CAVIN1: variants seen among roughly 807,000 people sequenced by gnomAD.
CAVIN1 encodes caveolae-associated protein 1.
In CAVIN1, 16 loss-of-function variants were observed where a neutral mutation model predicts 24.0. The observed-to-expected ratio is 0.67, with a 90% CI of 0.45 to 1.01. The LOEUF is 1.01. Ranked by LOEUF, CAVIN1 falls within the 50% of genes least tolerant of loss-of-function variation. CAVIN1 has a pLI of 0.00. For missense variants in CAVIN1, 510 were observed against 551.7 expected (o/e 0.92, Z 0.76); for synonymous variants, 256 against 256.4 (o/e 1.00, Z 0.02).
intron 1 of CAVIN1, chr17:42,412,358 G>C: frequency 1.3e-5 from 10 of 785,682 alleles, no homozygotes; most frequent in Non-Finnish European, 1.5e-5. Flanking sequence ...GTAGGGAGGG[G>C]AGCACAATGT....
intron 1 of CAVIN1, among the ~76,000 whole-genome samples, chr17:42,413,569 A>G (rs1265825967): frequency 8.1e-5 from 2 of 24,786 alleles, no homozygotes; most frequent in African/African-American, 3.2e-4. Flanking sequence ...AAAAAGGGAA[A>G]AAAAAAAAAA....
In CAVIN1 at chr17:42,405,138, A is replaced by G. The variant is rs921308426; in HGVS notation, c.722T>C (p.Met241Thr). Residue 241 changes from methionine (M) to threonine (T), a missense_variant, in exon 2 of 2, where the codon ATG (methionine) becomes ACG (threonine). Coordinates refer to ENST00000357037, the MANE Select transcript of CAVIN1 (RefSeq NM_012232.6). ...GCGGGTACGCACCTTGGTCTTCTCC[A>G]TCTTCTCCTTGGAGAAGGCCTTCTT... ...DFKKAFSKEK[M>T]EKTKVRTREN... is the part of the protein sequence containing the mutation. 4 of 1,612,220 alleles carry G rather than the reference A, an allele frequency of 2.5e-6. No individual in the cohort carries two copies. The African/African-American group carries it at 4.0e-5, about 16-fold the overall frequency.
intron 1 of CAVIN1, among the ~76,000 whole-genome samples, chr17:42,417,080 G>C (rs1466437119): frequency 6.6e-6 from 1 of 152,114 alleles, no homozygotes; most frequent in Non-Finnish European, 1.5e-5. Context: ...CCTCAAAACT[G>C]CTCCAGAACA....
Position 42,404,680 on chromosome 17 carries a change from G to C in CAVIN1, c.*7C>G. The C allele has an allele frequency of 2.1e-6, 3 of 1,439,554 alleles. No homozygotes were observed. Among genetic ancestry groups the C allele is most frequent in the Non-Finnish European group, 2.7e-6 (3 of 1,098,630 alleles). 89.2% of individuals were successfully genotyped at this position (1,439,554 alleles called of 1,614,324 possible). On this transcript the variant is annotated 3_prime_UTR_variant, in exon 2 of 2. Coordinates refer to ENST00000357037, the MANE Select transcript of CAVIN1 (RefSeq NM_012232.6). ...CGAGGAATGGGGTGGGTGGCAGCGG[G>C]GGCGGCTCAGTCGCTGTCGCTCTTG...
At chr17:42,411,396 A>AT (rs999475012) in intron 1 of CAVIN1, 10 of 982,638 alleles carry the variant, frequency 1.0e-5, no homozygotes, top group African/African-American at 3.5e-5. Context: ...TCTAAAAAAA[A>AT]TTTTTTTAAC....
intron 1 of CAVIN1, 100 bp downstream of exon 1, chr17:42,422,526 AG>A: frequency 3.5e-6 from 2 of 568,304 alleles, no homozygotes; most frequent in Non-Finnish European, 5.0e-6. Context: ...CCAGGCTGGG[AG>A]GGGAGCAGCG....
chr17:42,410,276 G>A (rs1388729744), intron 1 of CAVIN1, among the ~76,000 whole-genome samples: 1 of 152,140 alleles, frequency 6.6e-6, no homozygotes, highest in East Asian at 1.9e-4. Context: ...AGGTAATTCA[G>A]AGACCCAGGA....
Position 42,406,375 on chromosome 17 carries a change from C to CATTTTTT in CAVIN1, c.472-988_472-987insAAAAAAT, listed in dbSNP as rs59023533. 1.4e-5 allele frequency among the ~76,000 whole-genome samples: 2 copies of CATTTTTT among 140,952 alleles called. 1 individual carries two copies. The highest frequency in any genetic ancestry group is 3.1e-5 in the Non-Finnish European group (2 of 64,878). The allele number at this position is 140,952 out of a possible 152,430, so 92.5% of individuals were successfully genotyped here. A position where few individuals can be genotyped will look rare whatever the true frequency, so the allele number is the denominator to read the frequency against. On this transcript the variant is annotated intron_variant, in intron 1 of 1. Coordinates refer to ENST00000357037, the MANE Select transcript of CAVIN1 (RefSeq NM_012232.6). The stretch of plus-strand genomic sequence containing the variant: ...TGCATTTCCTAGACTCAAGCTATTT[C>CATTTTTT]TTTTTTTTTTTTTTTTTGAGATGGA...
At chr17:42,406,383 T>G (rs533082989) in intron 1 of CAVIN1, among the ~76,000 whole-genome samples, 1 of 151,892 alleles carries the variant, frequency 6.6e-6, no homozygotes, top group Non-Finnish European at 1.5e-5. Flanking sequence ...TTCTTTTTTT[T>G]TTTTTTTTTG....
intron 1 of CAVIN1, among the ~76,000 whole-genome samples, chr17:42,410,330 A>T (rs907168864): frequency 6.6e-6 from 1 of 152,046 alleles, no homozygotes; most frequent in African/African-American, 2.4e-5. Context: ...AGGAGGGGAG[A>T]GGTGAAGGGG....
At chr17:42,410,892 C>CAAAA (rs774857493) in intron 1 of CAVIN1, among the ~76,000 whole-genome samples, 2 of 76,374 alleles carry the variant, frequency 2.6e-5, no homozygotes, top group African/African-American at 1.1e-4. Flanking sequence ...GACTCTGTCT[C>CAAAA]AAAAAAAAAA....
At chr17:42,411,771 C>T (rs1248902240) in intron 1 of CAVIN1, 2 of 985,304 alleles carry the variant, frequency 2.0e-6, no homozygotes. Flanking sequence ...GCTAGGCAGC[C>T]TTCGGGTGCA....
chr17:42,408,790 CTTTTTT>C (rs67299164), intron 1 of CAVIN1, among the ~76,000 whole-genome samples: 1 of 120,848 alleles, frequency 8.3e-6, no homozygotes. Context: ...CGTGCCCGGC[CTTTTTT>C]TTTTTTTTTT....
At chr17:42,406,565 CG>C (rs1282857006) in intron 1 of CAVIN1, among the ~76,000 whole-genome samples, 6 of 151,964 alleles carry the variant, frequency 3.9e-5, no homozygotes, top group Non-Finnish European at 8.8e-5. Context: ...TTAGTAGACT[CG>C]GGGTTTCACC....
At chr17:42,422,572 A>AG in intron 1 of CAVIN1, 55 bp downstream of exon 1, 1 of 1,392,392 alleles carries the variant, frequency 7.2e-7, no homozygotes, top group Non-Finnish European at 9.8e-7. Context: ...ACTCCCAGGC[A>AG]GGGGACGCGG....
chr17:42,405,454 G>C (rs1477748797), intron 1 of CAVIN1, 66 bp from the exon 2 acceptor site: 1 of 1,533,780 alleles, frequency 6.5e-7, no homozygotes. Flanking sequence ...GCCTGAGTCA[G>C]GGTGGTGACG....
In CAVIN1 at chr17:42,422,712, T is replaced by C; in HGVS notation, c.386A>G (p.Glu129Gly). 1 of 1,609,380 alleles carries C rather than the reference T, an allele frequency of 6.2e-7. No individual in the cohort carries two copies. The highest frequency in any genetic ancestry group is 8.5e-7 in the Non-Finnish European group (1 of 1,178,118). Reference sequence around the variant, plus strand: ...CTTCTTGATCTGCCCCGCCTGGCGCTCCAGGCTGCCGCGCACGGTCTTCAC... The same window carrying C: ...CTTCTTGATCTGCCCCGCCTGGCGCCCCAGGCTGCCGCGCACGGTCTTCAC... ...VNVKTVRGSL[E>G]RQAGQIKKLE... The change falls in exon 1 of 2, where the codon GAG (glutamate) becomes GGG (glycine). Residue 129 changes from glutamate (E) to glycine (G), a missense_variant. Coordinates refer to ENST00000357037, the MANE Select transcript of CAVIN1 (RefSeq NM_012232.6).
intron 1 of CAVIN1, among the ~76,000 whole-genome samples, chr17:42,414,767 A>G (rs1362133781): frequency 6.6e-6 from 1 of 151,968 alleles, no homozygotes; most frequent in Non-Finnish European, 1.5e-5. Flanking sequence ...GCAGGTCCCA[A>G]CCTCCCCTGC....
chr17:42,410,892 C>CAAAAAAAAA (rs774857493), intron 1 of CAVIN1, among the ~76,000 whole-genome samples: 3 of 76,390 alleles, frequency 3.9e-5, no homozygotes, highest in African/African-American at 1.6e-4. Context: ...GACTCTGTCT[C>CAAAAAAAAA]AAAAAAAAAA....
Sources: gnomAD v4.1 joint callset for allele counts (sites outside exome capture counted in the v4.1 genomes callset) on GRCh38, gnomAD v4.1.1 for gene constraint, MANE v1.5 for transcripts, NCBI Gene and HGNC (gene_info 2026-07-23, HGNC 2026-07-21) for gene names.